Variants in NPAS3 observed in about 807,000 individuals in gnomAD.
NPAS3 encodes neuronal PAS domain protein 3, also known as neuronal PAS domain-containing protein 3.
A neutral mutation model predicts 73.1 loss-of-function variants in NPAS3; 14 were observed. The observed-to-expected ratio is 0.19, with a 90% CI of 0.13 to 0.30. NPAS3 has a LOEUF of 0.30. NPAS3 is among the 10% of genes least tolerant of loss of function. The probability of loss-of-function intolerance (pLI) is 1.00; values close to 1 mark genes in which losing one functional copy is unlikely to be tolerated. For synonymous variants in NPAS3, 620 were observed against 541.5 expected, an observed-to-expected ratio of 1.14 and a Z score of -2.01; for missense variants, 1,096 against 1,250.0, an observed-to-expected ratio of 0.88 and a Z score of 1.86.
intron 3 of NPAS3, among the ~76,000 whole-genome samples, chr14:33,350,017 G>T (rs542755003): frequency 6.6e-6 from 1 of 152,180 alleles, no homozygotes; most frequent in Non-Finnish European, 1.5e-5. Flanking sequence ...CTGGTCCTTG[G>T]GTGTTAAGCA....
intron 5 of NPAS3, among the ~76,000 whole-genome samples, chr14:33,660,290 G>A (rs1300207882): frequency 1.3e-5 from 2 of 152,126 alleles, no homozygotes. Flanking sequence ...AGTCTGCCAT[G>A]TCCAAGCCAT....
At chr14:32,943,921 C>T (rs1332709093) in intron 1 of NPAS3, among the ~76,000 whole-genome samples, 2 of 152,146 alleles carry the variant, frequency 1.3e-5, no homozygotes, top group African/African-American at 4.8e-5. Context: ...AACTCCTGAC[C>T]TCAGGTGATC....
chr14:33,205,945 C>T (rs1036499373), intron 2 of NPAS3, among the ~76,000 whole-genome samples: 1 of 152,070 alleles, frequency 6.6e-6, no homozygotes, highest in African/African-American at 2.4e-5. Flanking sequence ...CTAGAAAGGT[C>T]GTTTGAATTT....
intron 5 of NPAS3, among the ~76,000 whole-genome samples, chr14:33,601,164 C>T (rs2057388786): frequency 6.6e-6 from 1 of 152,158 alleles, no homozygotes; most frequent in South Asian, 2.1e-4. Context: ...TGTCGTGAAA[C>T]AAGTTCACAG....
At chr14:33,479,048 T>C (rs1402634707) in intron 4 of NPAS3, among the ~76,000 whole-genome samples, 1 of 152,174 alleles carries the variant, frequency 6.6e-6, no homozygotes, top group East Asian at 1.9e-4. Context: ...GATGCTGACT[T>C]CTATTTAACT....
chr14:33,409,635 G>A (rs555516293), intron 4 of NPAS3, among the ~76,000 whole-genome samples: 4 of 152,154 alleles, frequency 2.6e-5, no homozygotes, highest in Non-Finnish European at 5.9e-5. Flanking sequence ...CTTAATTTGA[G>A]AGTAGAAAGA....
chr14:33,176,231 C>T (rs1016072428), intron 2 of NPAS3, among the ~76,000 whole-genome samples: 7 of 152,128 alleles, frequency 4.6e-5, no homozygotes, highest in Non-Finnish European at 2.9e-5. Flanking sequence ...AGATACATAA[C>T]ATAAAATTAG....
intron 2 of NPAS3, among the ~76,000 whole-genome samples, chr14:33,170,757 T>C (rs550237470): frequency 4.6e-5 from 7 of 152,298 alleles, no homozygotes; most frequent in African/African-American, 1.7e-4. Flanking sequence ...ATTACAGTAG[T>C]TCAGTCACAT....
rs1490732165 is a variant in NPAS3, at chr14:33,800,089, C to A, written c.1782C>A (p.Ser594=). The A allele has an allele frequency of 1.3e-6, 2 of 1,591,500 alleles. No homozygotes were observed. Among genetic ancestry groups the A allele is most frequent in the Non-Finnish European group, 1.7e-6 (2 of 1,172,484 alleles). ...CAGGCGAGGCGGGCGCGCAGGCCTCCAGCAAGCACCAGAAGCGCAAGAAAA... is the reference window on the plus strand; with the variant it reads ...CAGGCGAGGCGGGCGCGCAGGCCTCAAGCAAGCACCAGAAGCGCAAGAAAA... Residue 594 remains serine (S), a synonymous_variant, in exon 12 of 12, where the codon TCC becomes TCA. Transcript: ENST00000356141. This position sits in a 1 kb window ranked among gnomAD's most constrained non-coding sequence, Gnocchi z 6.5.
intron 3 of NPAS3, among the ~76,000 whole-genome samples, chr14:33,326,874 A>G (rs1284651466): frequency 6.6e-6 from 1 of 152,214 alleles, no homozygotes; most frequent in Non-Finnish European, 1.5e-5. Flanking sequence ...GCGGTGGTGG[A>G]CATTCACTGT....
chr14:33,289,607 G>A (rs1347519497), intron 3 of NPAS3, among the ~76,000 whole-genome samples: 1 of 152,090 alleles, frequency 6.6e-6, no homozygotes, highest in Non-Finnish European at 1.5e-5. Context: ...GATGGCCTGA[G>A]GTCAGGAGTT....
chr14:33,666,196 G>A (rs1392506513), intron 5 of NPAS3, among the ~76,000 whole-genome samples: 1 of 152,140 alleles, frequency 6.6e-6, no homozygotes, highest in Non-Finnish European at 1.5e-5. Flanking sequence ...GTGAGCCTCT[G>A]CCTAATGCTT....
intron 2 of NPAS3, among the ~76,000 whole-genome samples, chr14:33,205,472 T>A (rs1440951474): frequency 1.3e-5 from 2 of 152,310 alleles, no homozygotes; most frequent in South Asian, 2.1e-4. Context: ...GTTGCTAAAT[T>A]GTTTTCTAGA....
At chr14:33,782,983 A>AT (rs1452450235) in intron 9 of NPAS3, among the ~76,000 whole-genome samples, 3 of 152,208 alleles carry the variant, frequency 2.0e-5, no homozygotes, top group African/African-American at 7.2e-5. Context: ...TCATCGCCAA[A>AT]TGCAAGCAGA....
chr14:33,186,790 C>G (rs1340207067), intron 2 of NPAS3, among the ~76,000 whole-genome samples: 1 of 152,188 alleles, frequency 6.6e-6, no homozygotes, highest in African/African-American at 2.4e-5. Flanking sequence ...TGCAACTCCC[C>G]TGAGATCACT....
Position 33,383,501 on chromosome 14 carries a change from T to C in NPAS3, c.468+16233T>C, listed in dbSNP as rs368269213. Among the ~76,000 whole-genome samples the C allele has an allele frequency of 4.6e-5, 7 of 152,262 alleles. No individual in the cohort carries two copies. In the East Asian group the frequency reaches 1.2e-3, roughly 25 times the overall value. On this transcript the variant is annotated intron_variant, in intron 4 of 11. Transcript: ENST00000356141. ...ATGCACCTAAGTCCCCATGCACCAA[T>C]TCGAGAATGTCCTTCTCAGCCAAGG...
chr14:33,526,123 C>T (rs1257766838), intron 4 of NPAS3, among the ~76,000 whole-genome samples: 2 of 152,080 alleles, frequency 1.3e-5, no homozygotes, highest in Admixed American at 6.5e-5. Flanking sequence ...TACCGGTATT[C>T]CAGCCTTAGA....
At chr14:33,075,668 T>C (rs1457098767) in intron 2 of NPAS3, among the ~76,000 whole-genome samples, 1 of 152,224 alleles carries the variant, frequency 6.6e-6, no homozygotes, top group Non-Finnish European at 1.5e-5. Context: ...TATTAGGCCA[T>C]TGAGCTGGCA....
At chr14:33,681,334 A>C (rs1470177910) in intron 6 of NPAS3, among the ~76,000 whole-genome samples, 1 of 152,192 alleles carries the variant, frequency 6.6e-6, no homozygotes, top group Non-Finnish European at 1.5e-5. Flanking sequence ...TCTATCAATG[A>C]ACTGAATTTA....
Sources: allele counts gnomAD v4.1 joint callset (sites outside exome capture counted in the v4.1 genomes callset), GRCh38; gene constraint gnomAD v4.1.1; non-coding constraint Gnocchi (gnomAD v3.1); transcripts MANE v1.5; gene names NCBI Gene and HGNC (gene_info 2026-07-23, HGNC 2026-07-21).